The following FBXO36 variants were observed in gnomAD, a reference collection of about 807,000 sequenced individuals.
The protein encoded by FBXO36 is F-box only protein 36.
FBXO36 carries 18 observed loss-of-function variants against 17.0 expected under a neutral mutation model. The ratio of observed to expected loss-of-function variants is 1.06; its 90% confidence interval spans 0.73 to 1.57. The LOEUF (loss-of-function observed/expected upper bound fraction) is 1.57, where lower values mean the gene tolerates loss of function less well. Ranked by LOEUF, FBXO36 falls within the 40% of genes most tolerant of loss-of-function variation. The pLI, the probability that FBXO36 is intolerant of heterozygous loss-of-function variation, is 0.00. For synonymous variants in FBXO36, 83 were observed against 85.3 expected (o/e 0.97, Z 0.15); for missense variants, 229 against 221.9 (o/e 1.03, Z -0.20).
At chr2:229,944,185 C>T (rs2077014477) in intron 1 of FBXO36, among the ~76,000 whole-genome samples, 1 of 152,118 alleles carries the variant, frequency 6.6e-6, no homozygotes, top group Admixed American at 6.6e-5. Context: ...TATAGCAATG[C>T]AAGAACAGGC....
intron 1 of FBXO36, among the ~76,000 whole-genome samples, chr2:229,955,744 A>G (rs1405377801): frequency 6.6e-6 from 1 of 152,234 alleles, no homozygotes; most frequent in East Asian, 1.9e-4. Context: ...AATTCCAAAC[A>G]TAAATAATTT....
intron 1 of FBXO36, among the ~76,000 whole-genome samples, chr2:229,950,991 T>C (rs2077054655): frequency 6.6e-6 from 1 of 152,172 alleles, no homozygotes; most frequent in African/African-American, 2.4e-5. Context: ...TGGAGTGCAG[T>C]GTTGTGATCT....
chr2:229,974,622 G>A (rs369783285), intron 1 of FBXO36, among the ~76,000 whole-genome samples: 4 of 152,102 alleles, frequency 2.6e-5, no homozygotes, highest in African/African-American at 7.2e-5. Flanking sequence ...TTTCTGGAGC[G>A]GTGCCCTGGG....
Position 229,976,304 on chromosome 2 carries a change from G to A in FBXO36, c.160G>A (p.Ala54Thr). 1 of 1,613,762 alleles carries A rather than the reference G, an allele frequency of 6.2e-7. No homozygotes were observed. The highest frequency in any genetic ancestry group is 2.2e-5 in the East Asian group (1 of 44,814). The change falls in exon 2 of 4, where the codon GCA becomes ACA. Residue 54 changes from alanine to threonine, a missense_variant. Coordinates refer to ENST00000283946, the MANE Select transcript of FBXO36 (RefSeq NM_174899.5). ...SEYRSTKPGEAKETHEDFLEN... is the reference protein window; with the variant it reads ...SEYRSTKPGETKETHEDFLEN... ...GTATCGATCAACAAAACCTGGAGAA[G>A]CAAAAGAAACCCATGAAGACTTCCT...
chr2:229,964,842 T>C (rs905763052), intron 1 of FBXO36, among the ~76,000 whole-genome samples: 16 of 152,188 alleles, frequency 1.1e-4, no homozygotes, highest in Admixed American at 9.8e-4. Context: ...TTCTTTTTAT[T>C]GTTGAGTAAC....
At chr2:229,990,570 C>T (rs2106205913) in intron 2 of FBXO36, among the ~76,000 whole-genome samples, 1 of 152,248 alleles carries the variant, frequency 6.6e-6, no homozygotes, top group East Asian at 1.9e-4. Context: ...ATCCTTGGAT[C>T]ATTCCAGGAT....
chr2:229,997,765 T>C (rs759974005), intron 3 of FBXO36, among the ~76,000 whole-genome samples: 25 of 152,164 alleles, frequency 1.6e-4, no homozygotes, highest in Non-Finnish European at 1.8e-4. Context: ...GTCTCACTGC[T>C]TGAAATCCTC....
chr2:229,994,233 G>C (rs1361820847), intron 2 of FBXO36, among the ~76,000 whole-genome samples: 5 of 151,978 alleles, frequency 3.3e-5, no homozygotes. Context: ...CTGCTGGTGG[G>C]CAGAGGATCT....
chr2:229,926,508 G>T (rs144514423), intron 1 of FBXO36, among the ~76,000 whole-genome samples: 4 of 151,354 alleles, frequency 2.6e-5, no homozygotes, highest in African/African-American at 9.7e-5. Flanking sequence ...CATTTTGGGA[G>T]CCTGACGGGT....
At chr2:229,941,108 C>T (rs900416209) in intron 1 of FBXO36, among the ~76,000 whole-genome samples, 6 of 152,130 alleles carry the variant, frequency 3.9e-5, no homozygotes, top group African/African-American at 1.4e-4. Flanking sequence ...TACCGACTGA[C>T]CAGCAGCCAT....
At chr2:229,976,689 C>T (rs764012372) in intron 2 of FBXO36, 27 of 194,882 alleles carry the variant, frequency 1.4e-4, no homozygotes, top group Non-Finnish European at 2.5e-4. Flanking sequence ...CATGTTGGCA[C>T]ATGCCTGTTA....
intron 1 of FBXO36, among the ~76,000 whole-genome samples, chr2:229,923,634 A>C (rs2076860958): frequency 6.6e-6 from 1 of 151,686 alleles, no homozygotes; most frequent in Non-Finnish European, 1.5e-5. Flanking sequence ...TTTTTAATTT[A>C]AGATTTAGAA....
intron 1 of FBXO36, among the ~76,000 whole-genome samples, chr2:229,966,186 A>T (rs1021110195): frequency 3.3e-5 from 5 of 152,154 alleles, no homozygotes; most frequent in Admixed American, 3.3e-4. Context: ...TCTTTTGAGA[A>T]GTGTCTGTTC....
intron 2 of FBXO36, among the ~76,000 whole-genome samples, chr2:229,996,085 G>A (rs2077325611): frequency 6.6e-6 from 1 of 151,516 alleles, no homozygotes; most frequent in Non-Finnish European, 1.5e-5. Context: ...AGACCAGCCT[G>A]GGCAACATAA....
chr2:229,960,159 A>T (rs2077113037), intron 1 of FBXO36, among the ~76,000 whole-genome samples: 1 of 151,614 alleles, frequency 6.6e-6, no homozygotes, highest in African/African-American at 2.4e-5. Flanking sequence ...ATCCATCTAG[A>T]ATTTATTTAT....
At chr2:229,954,476 C>T (rs1446967613) in intron 1 of FBXO36, among the ~76,000 whole-genome samples, 1 of 150,604 alleles carries the variant, frequency 6.6e-6, no homozygotes, top group Non-Finnish European at 1.5e-5. Flanking sequence ...CTCCTGACCT[C>T]AAGTGATCTG....
intron 1 of FBXO36, among the ~76,000 whole-genome samples, chr2:229,958,562 C>T (rs2077104030): frequency 6.6e-6 from 1 of 152,190 alleles, no homozygotes; most frequent in African/African-American, 2.4e-5. Flanking sequence ...AGCCACCGCA[C>T]CCTGCCGAGG....
chr2:229,971,010 T>C (rs1261075246), intron 1 of FBXO36, among the ~76,000 whole-genome samples: 1 of 152,100 alleles, frequency 6.6e-6, no homozygotes, highest in African/African-American at 2.4e-5. Flanking sequence ...CACACAAAAA[T>C]TGTCAGTTCC....
At chr2:229,979,544 C>T (rs1210965689) in intron 2 of FBXO36, among the ~76,000 whole-genome samples, 1 of 151,812 alleles carries the variant, frequency 6.6e-6, no homozygotes, top group East Asian at 1.9e-4. Context: ...CTTTGGGAGG[C>T]AGACGCAGGT....
Sources: gnomAD v4.1 joint callset for allele counts (sites outside exome capture counted in the v4.1 genomes callset) on GRCh38, gnomAD v4.1.1 for gene constraint, MANE v1.5 for transcripts, NCBI Gene and HGNC (gene_info 2026-07-23, HGNC 2026-07-21) for gene names.